CACNA2D3: variants seen among roughly 807,000 people sequenced by gnomAD.
The protein encoded by CACNA2D3 is calcium voltage-gated channel auxiliary subunit alpha2delta 3.
Under a neutral mutation model 160.6 loss-of-function variants are expected in CACNA2D3, and 60 were observed. The observed-to-expected ratio is 0.37, with a 90% CI of 0.30 to 0.46. The LOEUF (loss-of-function observed/expected upper bound fraction) is 0.46, where lower values mean the gene tolerates loss of function less well. Ranked by LOEUF, CACNA2D3 falls within the 20% of genes least tolerant of loss-of-function variation. CACNA2D3 has a pLI of 1.00. For missense variants in CACNA2D3, 1,205 were observed against 1,365.0 expected (o/e 0.88, Z 1.85); for synonymous variants, 558 against 492.9 (o/e 1.13, Z -1.75).
At chr3:54,825,291 C>T (rs763545935) in intron 14 of CACNA2D3, among the ~76,000 whole-genome samples, 8 of 152,072 alleles carry the variant, frequency 5.3e-5, no homozygotes, top group Non-Finnish European at 1.0e-4. Context: ...GGTAGAGGAT[C>T]GAGGAAAGTT....
intron 4 of CACNA2D3, among the ~76,000 whole-genome samples, chr3:54,406,335 C>CAT (rs1036595061): frequency 4.0e-5 from 6 of 151,694 alleles, no homozygotes; most frequent in Admixed American, 2.6e-4. Flanking sequence ...AAACTGTGTG[C>CAT]ATATATATAT....
intron 35 of CACNA2D3, among the ~76,000 whole-genome samples, chr3:55,019,017 A>G (rs1181300745): frequency 2.0e-5 from 3 of 150,310 alleles, no homozygotes; most frequent in Middle Eastern, 3.2e-3. Context: ...TCCTGGGCTC[A>G]AGCAGTCCTC....
intron 5 of CACNA2D3, among the ~76,000 whole-genome samples, chr3:54,510,488 C>A (rs189420151): frequency 3.2e-4 from 48 of 152,102 alleles, no homozygotes; most frequent in Non-Finnish European, 5.9e-4. Flanking sequence ...ACAGGTGATT[C>A]TTTCCCAAAA....
At chr3:54,403,011 C>T (rs1699498945) in intron 4 of CACNA2D3, among the ~76,000 whole-genome samples, 1 of 152,046 alleles carries the variant, frequency 6.6e-6, no homozygotes, top group Non-Finnish European at 1.5e-5. Flanking sequence ...GGAAATTAAA[C>T]AACATGCTCC....
At chr3:54,241,041 A>G (rs938138780) in intron 2 of CACNA2D3, among the ~76,000 whole-genome samples, 3 of 152,142 alleles carry the variant, frequency 2.0e-5, no homozygotes, top group Admixed American at 6.6e-5. Context: ...GCACCTGGCT[A>G]GAGTCTTTAT....
intron 4 of CACNA2D3, among the ~76,000 whole-genome samples, chr3:54,455,635 A>G (rs956671979): frequency 6.6e-6 from 1 of 152,058 alleles, no homozygotes; most frequent in Non-Finnish European, 1.5e-5. Context: ...GGTCTTTGCC[A>G]TAAAATCTTT....
At chr3:54,244,252 GC>G (rs1189210735) in intron 2 of CACNA2D3, among the ~76,000 whole-genome samples, 1 of 152,158 alleles carries the variant, frequency 6.6e-6, no homozygotes, top group Non-Finnish European at 1.5e-5. Flanking sequence ...GTGAGGAAGC[GC>G]CCCGAATCTG....
chr3:54,249,661 G>A (rs968622689), intron 2 of CACNA2D3, among the ~76,000 whole-genome samples: 9 of 79,974 alleles, frequency 1.1e-4, no homozygotes, highest in African/African-American at 5.5e-4. Flanking sequence ...CTCTGTTTAC[G>A]TACACACACA....
chr3:54,811,500 T>A (rs370530809), intron 13 of CACNA2D3, among the ~76,000 whole-genome samples: 67,462 of 111,778 alleles, frequency 0.6, 21,100 homozygotes, highest in Middle Eastern at 0.67. Context: ...TTTTTTTTTT[T>A]TTTTTTTTTT....
intron 2 of CACNA2D3, among the ~76,000 whole-genome samples, chr3:54,129,559 G>A (rs1398059118): frequency 1.3e-5 from 2 of 152,236 alleles, no homozygotes. Context: ...GGAAAGGAAA[G>A]CATTATCTTT....
chr3:54,871,503 T>G (rs774861457), intron 17 of CACNA2D3, 36 bp from the exon 18 acceptor site: 5 of 1,541,550 alleles, frequency 3.2e-6, no homozygotes, highest in South Asian at 1.1e-5. Context: ...TCACGGACTT[T>G]TGTTTTTCTT....
At chr3:54,787,833 C>G (rs974142175) in intron 13 of CACNA2D3, among the ~76,000 whole-genome samples, 1 of 152,174 alleles carries the variant, frequency 6.6e-6, no homozygotes, top group African/African-American at 2.4e-5. Flanking sequence ...GAAGGCAAAC[C>G]TTCACAACAG....
intron 2 of CACNA2D3, among the ~76,000 whole-genome samples, chr3:54,247,870 GTACCATGCC>G (rs1702111190): frequency 4.0e-4 from 1 of 2,512 alleles, no homozygotes; most frequent in African/African-American, 2.7e-3. Flanking sequence ...GCCATGCCTA[GTACCATGCC>G]TAGTACCATG....
rs567003444 is a variant in CACNA2D3, at chr3:55,074,170, T to C, written c.3240T>C (p.Leu1080=). 9.4e-5 allele frequency: 151 copies of C among 1,613,770 alleles called. 2 individuals carry two copies. In the South Asian group the frequency reaches 9.4e-4, roughly 10 times the overall value. The change falls in exon 38 of 38, where the codon CTT becomes CTC. Residue 1080 remains leucine, a synonymous_variant. Coordinates refer to ENST00000474759, the MANE Select transcript of CACNA2D3 (RefSeq NM_018398.3). The part of the protein sequence containing the change: ...APSLQAQTVL[L]LLPLLLMLFS... ...GTCTCCAAGCCCAGACAGTCCTCCT[T>C]CTGCTCCCTCTGCTTTTGATGCTCT... is the stretch of plus-strand genomic sequence containing the variant.
intron 2 of CACNA2D3, among the ~76,000 whole-genome samples, chr3:54,154,306 A>G (rs1342405529): frequency 6.6e-6 from 1 of 152,228 alleles, no homozygotes; most frequent in Non-Finnish European, 1.5e-5. Context: ...GTAATAACTC[A>G]TTAAATACAA....
At chr3:54,624,662 T>C (rs1699058179) in intron 9 of CACNA2D3, among the ~76,000 whole-genome samples, 1 of 152,190 alleles carries the variant, frequency 6.6e-6, no homozygotes, top group African/African-American at 2.4e-5. Flanking sequence ...TTAACATGTG[T>C]GACTGAGTGC....
intron 11 of CACNA2D3, among the ~76,000 whole-genome samples, chr3:54,684,857 A>G (rs892594753): frequency 8.5e-5 from 13 of 152,172 alleles, no homozygotes; most frequent in Admixed American, 8.5e-4. Context: ...GGCTGGTGTG[A>G]TTCTCAGTCA....
Position 54,885,553 on chromosome 3 carries a change from C to T in CACNA2D3, c.2023C>T (p.Leu675Phe). The T allele has an allele frequency of 6.2e-7, 1 of 1,613,458 alleles. No homozygotes were observed. The highest frequency in any genetic ancestry group is 8.5e-7 in the Non-Finnish European group (1 of 1,179,644). ...TCTGTCTCAGTTAGAAGCGATTAAG[C>T]TCTACCTAAAAGGCAAAGAACCTCT... ...RHLSQLEAIK[L>F]YLKGKEPLLQ... The change falls in exon 23 of 38, where the codon CTC (leucine) becomes TTC (phenylalanine). Residue 675 changes from leucine to phenylalanine, a missense_variant. Leu to Phe is a conservative substitution (Grantham distance 22). Around this residue, in one of 3 missense-constraint regions of CACNA2D3, gnomAD observed 911 missense variants for 1,002.2 expected, o/e 0.91. Transcript: ENST00000474759.
At chr3:54,391,010 T>A (rs28454774) in intron 4 of CACNA2D3, among the ~76,000 whole-genome samples, 115,283 of 145,520 alleles carry the variant, frequency 0.79, 44,032 homozygotes, top group Middle Eastern at 0.85. Context: ...TACTGAAAAA[T>A]AAAAAGTGAT....
Sources: allele counts gnomAD v4.1 joint callset (sites outside exome capture counted in the v4.1 genomes callset), GRCh38; gene constraint gnomAD v4.1.1; regional missense constraint gnomAD v4.1.1; transcripts MANE v1.5; gene names NCBI Gene and HGNC (gene_info 2026-07-23, HGNC 2026-07-21).